ANO3: variants seen among roughly 807,000 people sequenced by gnomAD.
ANO3 encodes anoctamin 3, also known as anoctamin-3.
A neutral mutation model predicts 144.8 loss-of-function variants in ANO3; 99 were observed. That is an observed-to-expected ratio of 0.68 (90% CI 0.58 to 0.81). The LOEUF (loss-of-function observed/expected upper bound fraction) is 0.81, where lower values mean the gene tolerates loss of function less well. Ranked by LOEUF, ANO3 falls within the 30% of genes least tolerant of loss-of-function variation. The probability of loss-of-function intolerance (pLI) is 0.00; values close to 1 mark genes in which losing one functional copy is unlikely to be tolerated. For synonymous variants in ANO3, 414 were observed against 392.6 expected, an observed-to-expected ratio of 1.05 and a Z score of -0.64; for missense variants, 905 against 1,202.2, an observed-to-expected ratio of 0.75 and a Z score of 3.66.
intron 1 of ANO3, among the ~76,000 whole-genome samples, chr11:26,422,222 A>T (rs1284468081): frequency 6.6e-6 from 1 of 152,060 alleles, no homozygotes; most frequent in Non-Finnish European, 1.5e-5. Flanking sequence ...GAAAAATTGT[A>T]CTTTACACTG....
At chr11:26,401,504 A>C (rs1327517510) in intron 1 of ANO3, among the ~76,000 whole-genome samples, 1 of 152,060 alleles carries the variant, frequency 6.6e-6, no homozygotes, top group Non-Finnish European at 1.5e-5. Flanking sequence ...ATAGTGTCCA[A>C]GCGAGAAGTT....
At chr11:26,586,503 C>CTTTTTTTTTTTTTTT (rs550057766) in intron 14 of ANO3, among the ~76,000 whole-genome samples, 2,125 of 81,348 alleles carry the variant, frequency 0.026, 450 homozygotes, top group Admixed American at 0.079. Context: ...TGGTGAGAAT[C>CTTTTTTTTTTTTTTT]TTTTTTTTTT....
At chr11:26,397,887 C>T (rs1412260373) in intron 1 of ANO3, among the ~76,000 whole-genome samples, 2 of 150,498 alleles carry the variant, frequency 1.3e-5, no homozygotes, top group South Asian at 2.1e-4. Flanking sequence ...TTTTTTTGTC[C>T]AATCTCTTGT....
intron 26 of ANO3, among the ~76,000 whole-genome samples, chr11:26,659,867 G>C (rs1430512886): frequency 6.6e-6 from 1 of 152,092 alleles, no homozygotes; most frequent in African/African-American, 2.4e-5. Context: ...TGCATTCTAT[G>C]TGGTTTACAT....
intron 1 of ANO3, among the ~76,000 whole-genome samples, chr11:26,374,159 G>A (rs1018241287): frequency 6.6e-5 from 10 of 152,086 alleles, no homozygotes; most frequent in African/African-American, 2.4e-4. Flanking sequence ...TAGCATATAT[G>A]GTAGACTGTC....
At chr11:26,291,921 C>T (rs530964180) in intron 1 of ANO3, among the ~76,000 whole-genome samples, 5 of 151,904 alleles carry the variant, frequency 3.3e-5, no homozygotes, top group Non-Finnish European at 7.4e-5. Context: ...ATCTTTGTGG[C>T]GTTCTCTATT....
At chr11:26,196,096 AC>A in intron 1 of ANO3, among the ~76,000 whole-genome samples, 1 of 152,230 alleles carries the variant, frequency 6.6e-6, no homozygotes, top group East Asian at 1.9e-4. Context: ...GAATCTGAAA[AC>A]CAAAAAAGTC....
intron 3 of ANO3, among the ~76,000 whole-genome samples, chr11:26,457,104 T>C (rs1455199728): frequency 2.8e-5 from 4 of 141,298 alleles, no homozygotes; most frequent in African/African-American, 5.2e-5. Flanking sequence ...AGGGATAGCA[T>C]TGGGAGATAT....
chr11:26,278,236 G>A (rs1590230199), intron 1 of ANO3, among the ~76,000 whole-genome samples: 1 of 152,208 alleles, frequency 6.6e-6, no homozygotes, highest in Middle Eastern at 3.4e-3. Flanking sequence ...ACTCTAGGAT[G>A]AACAACATGA....
chr11:26,370,156 G>A (rs1042412846), intron 1 of ANO3, among the ~76,000 whole-genome samples: 2 of 152,206 alleles, frequency 1.3e-5, no homozygotes, highest in South Asian at 4.1e-4. Context: ...CATGTTGTGA[G>A]AGGGACCCAG....
At chr11:26,541,855 T>C (rs773987581) in intron 10 of ANO3, 92 bp from the exon 11 acceptor site, 39 of 1,230,508 alleles carry the variant, frequency 3.2e-5, no homozygotes, top group Non-Finnish European at 4.0e-5. Context: ...CAATAAGTTG[T>C]TAAATTATTC....
In ANO3 at chr11:26,190,654, T is replaced by A. The variant is rs145458304; in HGVS notation, c.154+1324T>A. 2.8e-3 allele frequency among the ~76,000 whole-genome samples: 424 copies of A among 152,318 alleles called. 2 individuals carry two copies. Among genetic ancestry groups the A allele is most frequent in the African/African-American group, 9.8e-3 (406 of 41,572 alleles). On this transcript the variant is annotated intron_variant, in intron 1 of 27. Coordinates refer to the ANO3 transcript ENST00000672621. Reference sequence around the variant, plus strand: ...GCACATCCATTCCATTAGATTCAACTATTGTCTTTATGCCGTTAGATTCAA... The same window carrying A: ...GCACATCCATTCCATTAGATTCAACAATTGTCTTTATGCCGTTAGATTCAA...
intron 1 of ANO3, among the ~76,000 whole-genome samples, chr11:26,220,776 TA>T (rs1852126592): frequency 6.6e-6 from 1 of 152,162 alleles, no homozygotes; most frequent in Non-Finnish European, 1.5e-5. Context: ...GTATACAGCT[TA>T]AGGCTTCTGG....
intron 1 of ANO3, among the ~76,000 whole-genome samples, chr11:26,230,232 CATGA>C (rs533954964): frequency 6.6e-6 from 1 of 152,138 alleles, no homozygotes; most frequent in East Asian, 1.9e-4. Flanking sequence ...AGGAAATGGA[CATGA>C]AATAGGAAAG....
chr11:26,565,805 T>C (rs1850555654), intron 14 of ANO3: 2 of 1,613,270 alleles, frequency 1.2e-6, no homozygotes, highest in Non-Finnish European at 1.7e-6. Context: ...GGCTCCCCGA[T>C]AGAAGTGAAT....
chr11:26,612,430 T>C (rs1653697461), intron 17 of ANO3, among the ~76,000 whole-genome samples: 2 of 151,674 alleles, frequency 1.3e-5, no homozygotes, highest in Admixed American at 1.3e-4. Flanking sequence ...GTTTAATTTT[T>C]ACTTCTTCAT....
intron 1 of ANO3, among the ~76,000 whole-genome samples, chr11:26,335,298 T>C (rs1172613844): frequency 6.6e-6 from 1 of 152,222 alleles, no homozygotes; most frequent in African/African-American, 2.4e-5. Context: ...TCAAAAAATT[T>C]AGTGATTTTC....
upstream of ANO3, among the ~76,000 whole-genome samples, chr11:26,327,992 C>T (rs1854929738): frequency 6.6e-6 from 1 of 152,220 alleles, no homozygotes; most frequent in African/African-American, 2.4e-5. Context: ...TGTCTTCTTA[C>T]ACAAATCATT....
intron 1 of ANO3, among the ~76,000 whole-genome samples, chr11:26,313,103 G>A (rs574209535): frequency 5.9e-5 from 9 of 152,140 alleles, no homozygotes; most frequent in South Asian, 4.1e-4. Flanking sequence ...CATTTTATTC[G>A]TTGGATAAAA....
Sources: allele counts gnomAD v4.1 joint callset (sites outside exome capture counted in the v4.1 genomes callset), GRCh38; gene constraint gnomAD v4.1.1; transcripts MANE v1.5; gene names NCBI Gene and HGNC (gene_info 2026-07-23, HGNC 2026-07-21).